Variants in ZC3H3 observed in about 807,000 individuals in gnomAD.
ZC3H3 encodes zinc finger CCCH domain-containing protein 3.
A neutral mutation model predicts 77.3 loss-of-function variants in ZC3H3; 36 were observed. The observed-to-expected ratio is 0.47, with a 90% CI of 0.36 to 0.61. The LOEUF is 0.61. Ranked by LOEUF, ZC3H3 falls within the 20% of genes least tolerant of loss-of-function variation. The pLI, the probability that ZC3H3 is intolerant of heterozygous loss-of-function variation, is 0.00. For synonymous variants in ZC3H3, 626 were observed against 555.2 expected (o/e 1.13, Z -1.79); for missense variants, 1,331 against 1,312.2 (o/e 1.01, Z -0.22).
At chr8:143,522,617 A>C (rs1822285153) in intron 3 of ZC3H3, among the ~76,000 whole-genome samples, 1 of 106,262 alleles carries the variant, frequency 9.4e-6, no homozygotes, top group African/African-American at 3.5e-5. Flanking sequence ...AAAAAAAAAC[A>C]CACACACACA....
intron 9 of ZC3H3, among the ~76,000 whole-genome samples, chr8:143,441,974 A>G (rs1819754280): frequency 6.6e-6 from 1 of 152,202 alleles, no homozygotes; most frequent in South Asian, 2.1e-4. Flanking sequence ...AAGCTCCAAG[A>G]GTGGAGCTCA....
At chr8:143,461,304 T>TACGGC (rs1487878918) in intron 9 of ZC3H3, among the ~76,000 whole-genome samples, 2 of 152,122 alleles carry the variant, frequency 1.3e-5, no homozygotes. Context: ...ACCCCAGGGA[T>TACGGC]ACGGCACGCC....
intron 4 of ZC3H3, among the ~76,000 whole-genome samples, chr8:143,492,671 A>G (rs913631357): frequency 3.9e-5 from 6 of 152,076 alleles, no homozygotes. Flanking sequence ...ACAGCAAAGG[A>G]AGAAGGCGCC....
chr8:143,489,803 C>G (rs953099676), intron 4 of ZC3H3, among the ~76,000 whole-genome samples: 2 of 152,242 alleles, frequency 1.3e-5, no homozygotes, highest in African/African-American at 4.8e-5. Context: ...TAAGTGCTGA[C>G]TTGGGAAGTG....
intron 4 of ZC3H3, among the ~76,000 whole-genome samples, chr8:143,500,977 C>T (rs1431160298): frequency 7.5e-6 from 1 of 134,106 alleles, no homozygotes; most frequent in Non-Finnish European, 1.6e-5. Context: ...CATGCCCGAC[C>T]TTTTTTTTTT....
At chr8:143,523,571 TAGG>T (rs1822318862) in intron 3 of ZC3H3, 1 of 979,854 alleles carries the variant, frequency 1.0e-6, no homozygotes, top group Non-Finnish European at 1.2e-6. Flanking sequence ...CCAGAGGCAG[TAGG>T]AGACCACAGC....
rs1586887730 is a variant in ZC3H3, at chr8:143,462,987, C to G, written c.2307+2730G>C. Among the ~76,000 whole-genome samples, 1 of 143,626 alleles carries G rather than the reference C, an allele frequency of 7.0e-6. No homozygotes were observed. Among genetic ancestry groups the G allele is most frequent in the Non-Finnish European group, 1.5e-5 (1 of 65,620 alleles). 94.2% of individuals were successfully genotyped at this position (143,626 alleles called of 152,430 possible). A position where few individuals can be genotyped will look rare whatever the true frequency, so the allele number is the denominator to read the frequency against. On this transcript the variant is annotated intron_variant, in intron 9 of 11. Coordinates refer to ENST00000262577, the MANE Select transcript of ZC3H3 (RefSeq NM_015117.3). This position sits in a 1 kb window ranked among gnomAD's most constrained non-coding sequence, Gnocchi z 4.7. ...GGAGCAGCGCCCAGACCCTGAGTCT[C>G]TTTTTTTTTTTTTGAGACAGAGTCT...
At chr8:143,527,692 G>A (rs552587659) in intron 3 of ZC3H3, among the ~76,000 whole-genome samples, 12 of 152,240 alleles carry the variant, frequency 7.9e-5, no homozygotes, top group Admixed American at 2.0e-4. Flanking sequence ...GGGGTTCACC[G>A]CAGTAAAATT....
At chr8:143,522,237 G>A (rs1822269859) in intron 3 of ZC3H3, among the ~76,000 whole-genome samples, 1 of 152,188 alleles carries the variant, frequency 6.6e-6, no homozygotes, top group Non-Finnish European at 1.5e-5. Context: ...ACACAACCCT[G>A]TGGGCCACAG....
chr8:143,524,766 G>A (rs917451403), intron 3 of ZC3H3, among the ~76,000 whole-genome samples: 9 of 152,252 alleles, frequency 5.9e-5, no homozygotes, highest in African/African-American at 1.7e-4. Context: ...GGAACAAGAG[G>A]AATAGGGAGG....
intron 5 of ZC3H3, among the ~76,000 whole-genome samples, chr8:143,470,804 C>T (rs1017720436): frequency 1.3e-5 from 2 of 152,188 alleles, no homozygotes; most frequent in African/African-American, 2.4e-5. Flanking sequence ...AAAAAATGCA[C>T]ATAAAATAGC....
At chr8:143,507,707 G>T (rs1446641075) in intron 4 of ZC3H3, 39 bp downstream of exon 4, 2 of 1,510,490 alleles carry the variant, frequency 1.3e-6, no homozygotes, top group African/African-American at 2.8e-5. Flanking sequence ...AGACAGCCCA[G>T]TTCCCAGGCC....
intron 4 of ZC3H3, among the ~76,000 whole-genome samples, chr8:143,477,392 G>C (rs2129914144): frequency 6.6e-6 from 1 of 152,286 alleles, no homozygotes; most frequent in East Asian, 1.9e-4. Flanking sequence ...TCTGCGCCCT[G>C]CACACTCCAG....
intron 4 of ZC3H3, among the ~76,000 whole-genome samples, chr8:143,495,087 G>A (rs914231414): frequency 6.6e-6 from 1 of 152,188 alleles, no homozygotes; most frequent in Non-Finnish European, 1.5e-5. Context: ...GATCCCACGC[G>A]CGACAGTCAT....
intron 4 of ZC3H3, among the ~76,000 whole-genome samples, chr8:143,482,051 C>T (rs1820922276): frequency 1.3e-5 from 2 of 152,264 alleles, no homozygotes; most frequent in African/African-American, 4.8e-5. Context: ...CAAGACCCTG[C>T]AGTGGGTCCC....
chr8:143,474,753 T>C (rs1004553702), intron 5 of ZC3H3, among the ~76,000 whole-genome samples: 2 of 152,096 alleles, frequency 1.3e-5, no homozygotes. Flanking sequence ...GGGGGTAAAA[T>C]TGGACTGAAA....
chr8:143,440,913 C>T (rs372137003), intron 10 of ZC3H3, 23 bp downstream of exon 10: 3 of 1,406,530 alleles, frequency 2.1e-6, no homozygotes, highest in Non-Finnish European at 2.8e-6. Context: ...GGCTCACATG[C>T]ACAGTGCCCA....
In ZC3H3 at chr8:143,538,479, C is replaced by A; in HGVS notation, c.888G>T (p.Ser296=). 1.9e-6 allele frequency: 3 copies of A among 1,612,952 alleles called. No individual in the cohort carries two copies. Among genetic ancestry groups the A allele is most frequent in the African/African-American group, 1.3e-5 (1 of 75,058 alleles). The part of the protein sequence containing the change: ...ASGPRQAREA[S]LVVTCRTNKF... ...TGTTAGTTCGACAGGTCACAACCAG[C>A]GAGGCCTCCCGGGCCTGCCTGGGTC... Residue 296 remains serine, a synonymous_variant, in exon 2 of 12, where the codon TCG becomes TCT. Transcript: ENST00000262577.
intron 3 of ZC3H3, among the ~76,000 whole-genome samples, chr8:143,527,989 G>A (rs1030992910): frequency 2.0e-5 from 3 of 152,226 alleles, no homozygotes; most frequent in East Asian, 1.9e-4. Context: ...TCCTGCATCC[G>A]GCAAAGGTCC....
Sources: gnomAD v4.1 joint callset for allele counts (sites outside exome capture counted in the v4.1 genomes callset) on GRCh38, gnomAD v4.1.1 for gene constraint, Gnocchi (gnomAD v3.1) non-coding constraint, MANE v1.5 for transcripts, NCBI Gene and HGNC (gene_info 2026-07-23, HGNC 2026-07-21) for gene names.